KDM7A: variants seen among roughly 807,000 people sequenced by gnomAD.
KDM7A encodes lysine-specific demethylase 7A.
A neutral mutation model predicts 114.8 loss-of-function variants in KDM7A; 28 were observed. The ratio of observed to expected loss-of-function variants is 0.24; its 90% CI spans 0.18 to 0.33. The LOEUF is 0.33. Among genes scored for constraint, KDM7A ranks in the 10% least tolerant of loss-of-function variants. The probability of loss-of-function intolerance (pLI) is 1.00; values close to 1 mark genes in which losing one functional copy is unlikely to be tolerated. For missense variants in KDM7A, 942 were observed against 1,142.5 expected (o/e 0.82, Z 2.53); for synonymous variants, 423 against 397.8 (o/e 1.06, Z -0.75).
At chr7:140,116,622 A>G (rs370092948) in intron 9 of KDM7A, among the ~76,000 whole-genome samples, 3 of 152,090 alleles carry the variant, frequency 2.0e-5, no homozygotes, top group East Asian at 3.9e-4. Flanking sequence ...GAACAGCCTT[A>G]TTCTTTACAC....
At position 140,122,779 on chromosome 7, in the gene KDM7A, C is replaced by G. The variant is rs73160851; in HGVS notation, c.1051+1842G>C. 1.8e-3 allele frequency among the ~76,000 whole-genome samples: 276 copies of G among 152,332 alleles called. 2 individuals carry two copies. The highest frequency in any genetic ancestry group is 0.011 in the South Asian group (55 of 4,828). On this transcript the variant is annotated intron_variant, in intron 7 of 19. Transcript: ENST00000397560. ...CTTTGAGGGTCTCTCAAGACACACC[C>G]TATGCTGTCCTAACTGTCCTGGGAC...
At chr7:140,103,366 AG>A (rs1361970476) in intron 11 of KDM7A, among the ~76,000 whole-genome samples, 1 of 151,778 alleles carries the variant, frequency 6.6e-6, no homozygotes, top group African/African-American at 2.4e-5. Flanking sequence ...CACAACGTGC[AG>A]ATTTGTTACA....
chr7:140,163,110 C>T (rs995022962), intron 1 of KDM7A, among the ~76,000 whole-genome samples: 3 of 151,184 alleles, frequency 2.0e-5, no homozygotes, highest in African/African-American at 7.3e-5. Flanking sequence ...TTCTCCTGCC[C>T]CAGCCTCCCA....
rs77749901 is a variant in KDM7A, at chr7:140,100,236, T to C, written c.1639-213A>G. On this transcript the variant is annotated intron_variant, in intron 12 of 19. Transcript: ENST00000397560. ...CATCTTTCTGGAGGGCCATTAACCATGAAATGCATTCTAGAAAGTAAAACA... is the reference window on the plus strand; with the variant it reads ...CATCTTTCTGGAGGGCCATTAACCACGAAATGCATTCTAGAAAGTAAAACA... Among the ~76,000 whole-genome samples the C allele has an allele frequency of 2.2e-3, 332 of 152,320 alleles. 2 individuals are homozygous for C. Among genetic ancestry groups the C allele is most frequent in the African/African-American group, 7.6e-3 (315 of 41,570 alleles).
chr7:140,127,059 C>G (rs922371369), intron 5 of KDM7A, among the ~76,000 whole-genome samples: 1 of 152,158 alleles, frequency 6.6e-6, no homozygotes, highest in African/African-American at 2.4e-5. Flanking sequence ...CTGCCGGGTT[C>G]GAGAGATCTC....
At chr7:140,135,376 G>A (rs1420382936) in intron 2 of KDM7A, among the ~76,000 whole-genome samples, 1 of 151,812 alleles carries the variant, frequency 6.6e-6, no homozygotes, top group African/African-American at 2.4e-5. Context: ...CTAATTTTTT[G>A]TATTTTAGTA....
chr7:140,097,587 A>G lies in KDM7A; in HGVS notation c.1974T>C (p.Asp658=). The stretch of plus-strand genomic sequence containing the variant: ...GTCCGGAGTCTTCTGACTCAGAAAT[A>G]TCAGAATATCCTGATGATCTACTCC... ...ELRSRSSGYS[D]ISESEDSGPE... is the part of the protein sequence containing the mutation. The change falls in exon 15 of 20, where the codon GAT becomes GAC. Residue 658 remains aspartate, a synonymous_variant. Coordinates refer to ENST00000397560, the MANE Select transcript of KDM7A (RefSeq NM_030647.2). 1 of 1,609,082 alleles carries G rather than the reference A, an allele frequency of 6.2e-7. No individual in the cohort carries two copies. The highest frequency in any genetic ancestry group is 8.5e-7 in the Non-Finnish European group (1 of 1,175,512).
rs1193121205 is a variant in KDM7A, at chr7:140,172,896, C to T, written c.194+3848G>A. Among the ~76,000 whole-genome samples, 4 of 152,098 alleles carry T rather than the reference C, an allele frequency of 2.6e-5. No individual in the cohort carries two copies. The East Asian group carries it at 7.7e-4, about 29-fold the overall frequency. On this transcript the variant is annotated intron_variant, in intron 1 of 19. Coordinates refer to ENST00000397560, the MANE Select transcript of KDM7A (RefSeq NM_030647.2). ...ATTATTAATAAAATAGTGGTAATCA[C>T]TGGAAGACATGCGTACTTTCATATT... is the stretch of plus-strand genomic sequence containing the variant.
chr7:140,165,063 C>A (rs1200953856), intron 1 of KDM7A, among the ~76,000 whole-genome samples: 1 of 152,200 alleles, frequency 6.6e-6, no homozygotes, highest in Non-Finnish European at 1.5e-5. Context: ...AAGGAAAATA[C>A]TCACCATCTT....
chr7:140,139,029 T>C lies in KDM7A; in HGVS notation c.280+76A>G, dbSNP rs949660010. 7 of 890,210 alleles carry C rather than the reference T, an allele frequency of 7.9e-6. No homozygotes were observed. The African/African-American group carries it at 9.9e-5, about 13-fold the overall frequency. 55.1% of individuals were successfully genotyped at this position (890,210 alleles called of 1,614,324 possible). A position where few individuals can be genotyped will look rare whatever the true frequency, so the allele number is the denominator to read the frequency against. On this transcript the variant is annotated intron_variant, in intron 2 of 19. Transcript: ENST00000397560. ...ATAACTCCTCAGAGTATCATTAAAGTATTACCATGTACATGTAAGTTTGAA... is the reference window on the plus strand; with the variant it reads ...ATAACTCCTCAGAGTATCATTAAAGCATTACCATGTACATGTAAGTTTGAA...
intron 4 of KDM7A, 122 bp from the exon 5 acceptor site, chr7:140,127,705 C>CTA (rs766108657): frequency 9.7e-5 from 83 of 854,960 alleles, no homozygotes; most frequent in Non-Finnish European, 1.3e-4. Flanking sequence ...GTAGTCTAGA[C>CTA]AAATATTTTC....
chr7:140,107,447 G>C (rs1818357178), intron 11 of KDM7A, among the ~76,000 whole-genome samples: 1 of 152,156 alleles, frequency 6.6e-6, no homozygotes, highest in Admixed American at 6.5e-5. Context: ...TCCTTCAGGA[G>C]CTCTTGTAAG....
chr7:140,139,572 A>G (rs1794235632), intron 1 of KDM7A, among the ~76,000 whole-genome samples: 1 of 152,244 alleles, frequency 6.6e-6, no homozygotes, highest in Admixed American at 6.5e-5. Flanking sequence ...TGTGGGATGA[A>G]GCACTTGTAA....
chr7:140,099,548 C>T lies in KDM7A; in HGVS notation c.1763+351G>A, dbSNP rs1293090141. The stretch of plus-strand genomic sequence containing the variant: ...CCTGGGCCATAGACTGGTACCAGTC[C>T]GTGGCCTGTTAGGAACCAGGCCACA... On this transcript the variant is annotated intron_variant, in intron 13 of 19. Transcript: ENST00000397560. Among the ~76,000 whole-genome samples, 8 of 152,078 alleles carry T rather than the reference C, an allele frequency of 5.3e-5. No homozygotes were observed. The East Asian group carries it at 7.7e-4, about 15-fold the overall frequency.
At chr7:140,119,816 G>A (rs1818590498) in intron 8 of KDM7A, among the ~76,000 whole-genome samples, 1 of 152,176 alleles carries the variant, frequency 6.6e-6, no homozygotes, top group Non-Finnish European at 1.5e-5. Context: ...CTATGAGTGT[G>A]CCAAGTTACA....
At chr7:140,123,671 T>C (rs969551499) in intron 7 of KDM7A, among the ~76,000 whole-genome samples, 1 of 152,210 alleles carries the variant, frequency 6.6e-6, no homozygotes, top group African/African-American at 2.4e-5. Context: ...TTTTGGAGCA[T>C]TTCAGATTTT....
chr7:140,149,376 G>A (rs143932289), intron 1 of KDM7A, among the ~76,000 whole-genome samples: 1 of 152,286 alleles, frequency 6.6e-6, no homozygotes, highest in African/African-American at 2.4e-5. Flanking sequence ...TGGACACAGA[G>A]TAACTGGCAA....
chr7:140,141,040 T>C lies in KDM7A; in HGVS notation c.195-1850A>G, dbSNP rs190332195. ...TATAAAGCTAAAAAGTGAAATACCA[T>C]GTACAACTGCATAAAAATGTCAAGT... is the stretch of plus-strand genomic sequence containing the variant. On this transcript the variant is annotated intron_variant, in intron 1 of 19. Coordinates refer to ENST00000397560, the MANE Select transcript of KDM7A (RefSeq NM_030647.2). Among the ~76,000 whole-genome samples, 209 of 152,228 alleles carry C rather than the reference T, an allele frequency of 1.4e-3. 1 individual carries two copies. The highest frequency in any genetic ancestry group is 2.6e-3 in the Non-Finnish European group (176 of 68,010).
At chr7:140,142,291 T>C (rs533732119) in intron 1 of KDM7A, among the ~76,000 whole-genome samples, 108 of 151,356 alleles carry the variant, frequency 7.1e-4, no homozygotes, top group African/African-American at 2.3e-3. Flanking sequence ...ACTTCAGCCA[T>C]ATTAAAATAA....
Sources: allele counts gnomAD v4.1 joint callset (sites outside exome capture counted in the v4.1 genomes callset), GRCh38; gene constraint gnomAD v4.1.1; transcripts MANE v1.5; gene names NCBI Gene and HGNC (gene_info 2026-07-23, HGNC 2026-07-21).